The following EXOC6B variants were observed in gnomAD, a reference collection of about 807,000 sequenced individuals.
EXOC6B encodes the protein SEC15 homolog B.
In EXOC6B, 54 loss-of-function variants were observed where a neutral mutation model predicts 113.5. That is an observed-to-expected ratio of 0.48 (90% confidence interval 0.38 to 0.60). The LOEUF (loss-of-function observed/expected upper bound fraction) is 0.60, where lower values mean the gene tolerates loss of function less well. Ranked by LOEUF, EXOC6B falls within the 20% of genes least tolerant of loss-of-function variation. The pLI, the probability that EXOC6B is intolerant of heterozygous loss-of-function variation, is 0.00. For synonymous variants in EXOC6B, 357 were observed against 339.0 expected (o/e 1.05, Z -0.58); for missense variants, 797 against 977.5 (o/e 0.82, Z 2.46).
At chr2:72,434,896 T>C (rs532863109) in intron 18 of EXOC6B, among the ~76,000 whole-genome samples, 1 of 152,320 alleles carries the variant, frequency 6.6e-6, no homozygotes, top group East Asian at 1.9e-4. Flanking sequence ...TTTTCATGTC[T>C]CTATCTCCTT....
intron 8 of EXOC6B, among the ~76,000 whole-genome samples, chr2:72,554,197 A>G (rs1173814551): frequency 6.6e-6 from 1 of 152,210 alleles, no homozygotes; most frequent in East Asian, 1.9e-4. Context: ...ACATCTCAAT[A>G]GCTTTAGATT....
intron 1 of EXOC6B, among the ~76,000 whole-genome samples, chr2:72,771,241 G>T (rs1683389398): frequency 6.6e-6 from 1 of 152,070 alleles, no homozygotes; most frequent in Non-Finnish European, 1.5e-5. Context: ...CTTTATAATT[G>T]TTGTAATTTT....
intron 18 of EXOC6B, among the ~76,000 whole-genome samples, chr2:72,430,340 A>G (rs1462173928): frequency 6.6e-6 from 1 of 152,236 alleles, no homozygotes; most frequent in Non-Finnish European, 1.5e-5. Context: ...CTGTAAAACA[A>G]CCTATAAAAA....
intron 18 of EXOC6B, among the ~76,000 whole-genome samples, chr2:72,422,683 T>C (rs185167574): frequency 6.6e-6 from 1 of 151,492 alleles, no homozygotes; most frequent in Admixed American, 6.6e-5. Flanking sequence ...CCTTTATGTC[T>C]AGCTCAGGGA....
At chr2:72,191,507 G>GTTGTT (rs1003661722) in intron 20 of EXOC6B, among the ~76,000 whole-genome samples, 14 of 152,180 alleles carry the variant, frequency 9.2e-5, no homozygotes, top group African/African-American at 3.1e-4. Context: ...TGTTGTTGTT[G>GTTGTT]TTGTTTTGTT....
intron 20 of EXOC6B, among the ~76,000 whole-genome samples, chr2:72,314,652 T>G (rs1228840395): frequency 6.6e-6 from 1 of 152,176 alleles, no homozygotes; most frequent in Non-Finnish European, 1.5e-5. Context: ...CTGTCTCTAC[T>G]TCATAGAAAG....
intron 1 of EXOC6B, chr2:72,760,522 A>G: frequency 6.4e-6 from 1 of 156,548 alleles, no homozygotes; most frequent in Non-Finnish European, 1.4e-5. Flanking sequence ...TGGTACGACT[A>G]AAACGTGAAA....
intron 17 of EXOC6B, among the ~76,000 whole-genome samples, chr2:72,475,864 C>T (rs1431870058): frequency 6.6e-6 from 1 of 152,182 alleles, no homozygotes; most frequent in Non-Finnish European, 1.5e-5. Flanking sequence ...CATGCCTCAG[C>T]CTCAATGGCA....
chr2:72,179,998 T>C (rs192234054), intron 21 of EXOC6B, among the ~76,000 whole-genome samples: 95 of 152,290 alleles, frequency 6.2e-4, no homozygotes, highest in African/African-American at 2.2e-3. Context: ...CTCTATCCTA[T>C]CCCCAACAAA....
intron 6 of EXOC6B, among the ~76,000 whole-genome samples, chr2:72,623,912 C>T (rs1479994873): frequency 6.6e-6 from 1 of 152,220 alleles, no homozygotes; most frequent in Non-Finnish European, 1.5e-5. Context: ...CAACTCCAGA[C>T]AGGCACCTAG....
At chr2:72,671,753 A>G (rs12105572) in intron 6 of EXOC6B, among the ~76,000 whole-genome samples, 457 of 3,758 alleles carry the variant, frequency 0.12, 9 homozygotes, top group African/African-American at 0.23. Flanking sequence ...GAGACAGAGA[A>G]AGAAAGAAAG....
At chr2:72,781,991 T>A (rs575291942) in intron 1 of EXOC6B, among the ~76,000 whole-genome samples, 1 of 151,744 alleles carries the variant, frequency 6.6e-6, no homozygotes, top group East Asian at 1.9e-4. Context: ...ATACAAAAAA[T>A]TAGCTGTGCA....
At chr2:72,742,706 T>A (rs2104819761) in intron 1 of EXOC6B, among the ~76,000 whole-genome samples, 1 of 152,308 alleles carries the variant, frequency 6.6e-6, no homozygotes, top group South Asian at 2.1e-4. Context: ...ATATCCATTC[T>A]CAGCTCCTCC....
At chr2:72,418,705 C>T (rs1036702247) in intron 18 of EXOC6B, among the ~76,000 whole-genome samples, 1 of 152,056 alleles carries the variant, frequency 6.6e-6, no homozygotes. Flanking sequence ...GTCTTTAGAT[C>T]TAAAGTGAAT....
chr2:72,781,232 G>A (rs1316866213), intron 1 of EXOC6B, among the ~76,000 whole-genome samples: 1 of 152,032 alleles, frequency 6.6e-6, no homozygotes, highest in Non-Finnish European at 1.5e-5. Context: ...CTCTACACAA[G>A]GTTTTCTCCT....
intron 8 of EXOC6B, among the ~76,000 whole-genome samples, chr2:72,553,407 C>A (rs1389319131): frequency 6.6e-6 from 1 of 151,932 alleles, no homozygotes; most frequent in African/African-American, 2.4e-5. Context: ...CAATTCAAAT[C>A]AAAATTCTAG....
At chr2:72,419,281 G>A (rs1474624844) in intron 18 of EXOC6B, among the ~76,000 whole-genome samples, 1 of 152,148 alleles carries the variant, frequency 6.6e-6, no homozygotes, top group Non-Finnish European at 1.5e-5. Flanking sequence ...TAACAATTGT[G>A]TTTTTAAAAT....
At chr2:72,481,440 C>A (rs1428930289) in intron 16 of EXOC6B, among the ~76,000 whole-genome samples, 3 of 152,162 alleles carry the variant, frequency 2.0e-5, no homozygotes, top group Non-Finnish European at 4.4e-5. Context: ...TGCCTTCCAA[C>A]TAAAACATTG....
intron 20 of EXOC6B, among the ~76,000 whole-genome samples, chr2:72,191,690 CAG>C (rs1678843576): frequency 6.6e-6 from 1 of 152,120 alleles, no homozygotes; most frequent in African/African-American, 2.4e-5. Flanking sequence ...GTTAACTGGA[CAG>C]AGAACAGACA....
Sources: gnomAD v4.1 joint callset for allele counts (sites outside exome capture counted in the v4.1 genomes callset) on GRCh38, gnomAD v4.1.1 for gene constraint, MANE v1.5 for transcripts, NCBI Gene and HGNC (gene_info 2026-07-23, HGNC 2026-07-21) for gene names.